The following ADAM12 variants were observed in gnomAD, a reference collection of about 807,000 sequenced individuals.
ADAM12 encodes ADAM metallopeptidase domain 12.
ADAM12 carries 70 observed loss-of-function variants against 106.4 expected under a neutral mutation model. The observed-to-expected ratio is 0.66, with a 90% CI of 0.54 to 0.80. The LOEUF (loss-of-function observed/expected upper bound fraction) is 0.80. Ranked by LOEUF, ADAM12 falls within the 30% of genes least tolerant of loss-of-function variation. The probability of loss-of-function intolerance (pLI) is 0.00; values close to 1 mark genes in which losing one functional copy is unlikely to be tolerated. For missense variants in ADAM12, 1,010 were observed against 1,171.9 expected (o/e 0.86, Z 2.02); for synonymous variants, 420 against 433.5 (o/e 0.97, Z 0.39).
chr10:126,171,546 C>T (rs111571080), intron 3 of ADAM12, among the ~76,000 whole-genome samples: 3,203 of 152,304 alleles, frequency 0.021, 100 homozygotes, highest in African/African-American at 0.063. Context: ...AATCTTACAG[C>T]ACTAGGCTAG....
At chr10:126,078,676 C>A (rs1459142389) in intron 11 of ADAM12, among the ~76,000 whole-genome samples, 1 of 152,018 alleles carries the variant, frequency 6.6e-6, no homozygotes, top group East Asian at 1.9e-4. Flanking sequence ...TATGGTGGTG[C>A]TTTCTCATGG....
At chr10:126,196,916 T>C (rs1957607108) in intron 3 of ADAM12, among the ~76,000 whole-genome samples, 1 of 152,158 alleles carries the variant, frequency 6.6e-6, no homozygotes, top group Admixed American at 6.6e-5. Context: ...GGAATGTCGT[T>C]TGGCTTCAGT....
In ADAM12 at chr10:126,053,385, A is replaced by G. The variant is rs1437774229; in HGVS notation, c.1610-3716T>C. Among the ~76,000 whole-genome samples the G allele has an allele frequency of 1.3e-5, 2 of 152,202 alleles. No individual in the cohort carries two copies. The highest frequency in any genetic ancestry group is 2.9e-5 in the Non-Finnish European group (2 of 68,030). ...GCTGGTGGAGCAGCACAGCTCAGAA[A>G]ACCAGGTGTGTGTAAGATGCAATGC... On this transcript the variant is annotated intron_variant, in intron 14 of 22. Transcript: ENST00000448723. The surrounding 1 kb of genome is among the most constrained non-coding windows in gnomAD (Gnocchi z 4.6).
At chr10:126,108,687 A>G (rs748092922) in intron 7 of ADAM12, 23 bp from the exon 8 acceptor site, 2 of 1,591,806 alleles carry the variant, frequency 1.3e-6, no homozygotes, top group Non-Finnish European at 1.7e-6. Flanking sequence ...AAATGGCAGC[A>G]TTAATACCAG....
At chr10:126,316,620 G>A (rs1483137734) in intron 2 of ADAM12, among the ~76,000 whole-genome samples, 2 of 151,928 alleles carry the variant, frequency 1.3e-5, no homozygotes, top group Admixed American at 6.6e-5. Context: ...ACTTTGGGAG[G>A]CTGAGGCAGG....
chr10:126,343,344 C>T (rs192460535), intron 1 of ADAM12, among the ~76,000 whole-genome samples: 1 of 152,282 alleles, frequency 6.6e-6, no homozygotes, highest in East Asian at 1.9e-4. Flanking sequence ...CATGTCCCTA[C>T]AAAGGATATC....
intron 5 of ADAM12, among the ~76,000 whole-genome samples, chr10:126,126,780 TA>T (rs147358976): frequency 0.012 from 1,787 of 152,056 alleles, 43 homozygotes; most frequent in African/African-American, 0.041. Context: ...GGAGACGCTA[TA>T]GGGGAGAGCG....
chr10:126,153,126 G>A (rs1956757913), intron 4 of ADAM12, among the ~76,000 whole-genome samples: 1 of 152,088 alleles, frequency 6.6e-6, no homozygotes, highest in Non-Finnish European at 1.5e-5. Context: ...GAATCTGAGG[G>A]TAGTAATTTC....
rs531951039 is a variant in ADAM12, at chr10:126,091,939, G to A, written c.1145+2046C>T. On this transcript the variant is annotated intron_variant, in intron 11 of 22. Transcript: ENST00000448723. ...AAGAAAGGAGGAAGGAAGGGTGGAT[G>A]GGTGGATGGATAGATGGTTGGATGG... Among the ~76,000 whole-genome samples the A allele has an allele frequency of 3.9e-5, 6 of 152,218 alleles. No individual in the cohort carries two copies. The South Asian group carries it at 1.2e-3, about 32-fold the overall frequency.
chr10:126,190,198 CTT>C (rs36118604), intron 3 of ADAM12, among the ~76,000 whole-genome samples: 1 of 138,350 alleles, frequency 7.2e-6, no homozygotes, highest in African/African-American at 3.1e-5. Context: ...CCAATTCACT[CTT>C]TTTTTTTTTC....
In ADAM12 at chr10:126,287,831, T is replaced by G. The variant is rs552122926; in HGVS notation, c.187-8843A>C. Among the ~76,000 whole-genome samples the G allele has an allele frequency of 2.2e-4, 34 of 151,722 alleles. No homozygotes were observed. In the South Asian group the frequency reaches 6.1e-3, roughly 27 times the overall value. ...AGCAAAGTTCCTCATTTGTGATGATTTGTTGTTTTTCTTTTACTTGTTTAC... is the reference window on the plus strand; with the variant it reads ...AGCAAAGTTCCTCATTTGTGATGATGTGTTGTTTTTCTTTTACTTGTTTAC... On this transcript the variant is annotated intron_variant, in intron 2 of 22. Transcript: ENST00000448723.
chr10:126,267,826 GT>G (rs113040801), intron 3 of ADAM12, among the ~76,000 whole-genome samples: 7,491 of 151,578 alleles, frequency 0.049, 311 homozygotes, highest in African/African-American at 0.11. Context: ...GTGGGGGGCG[GT>G]GGGGGTGGAT....
rs1957604555 is a variant in ADAM12, at chr10:126,196,808, T to C, written c.261-41503A>G. On this transcript the variant is annotated intron_variant, in intron 3 of 22. Transcript: ENST00000448723. The stretch of plus-strand genomic sequence containing the variant: ...TAAAGATTTCCTCCTTTCCTTTCTG[T>C]AATTTTCTGTAAGGAGCATCTGTTG... Among the ~76,000 whole-genome samples, 2 of 152,176 alleles carry C rather than the reference T, an allele frequency of 1.3e-5. 1 individual carries two copies. Among genetic ancestry groups the C allele is most frequent in the Admixed American group, 1.3e-4 (2 of 15,280 alleles).
intron 6 of ADAM12, among the ~76,000 whole-genome samples, chr10:126,112,418 T>C (rs1477593732): frequency 6.6e-6 from 1 of 152,038 alleles, no homozygotes; most frequent in Non-Finnish European, 1.5e-5. Flanking sequence ...TGGATTTTCA[T>C]TTTGGGGGGT....
intron 2 of ADAM12, among the ~76,000 whole-genome samples, chr10:126,316,956 C>T (rs1853899382): frequency 1.3e-5 from 2 of 152,046 alleles, no homozygotes; most frequent in Admixed American, 1.3e-4. Context: ...CACTAAGTAT[C>T]TCAAGCATGT....
At chr10:126,315,858 A>G (rs1045816933) in intron 2 of ADAM12, among the ~76,000 whole-genome samples, 1 of 152,238 alleles carries the variant, frequency 6.6e-6, no homozygotes, top group Admixed American at 6.5e-5. Flanking sequence ...TTATAAGCAA[A>G]GACACAGACA....
chr10:126,038,402 C>T (rs1259928543), intron 19 of ADAM12, 53 bp from the exon 20 acceptor site: 1 of 1,416,678 alleles, frequency 7.1e-7, no homozygotes, highest in East Asian at 2.5e-5. Flanking sequence ...TTCTCACTGA[C>T]TTGACTTTTT....
rs10549268 is a variant in ADAM12 at position 126,178,408 on chromosome 10, CTTTTTTTTT to C, written c.261-23112_261-23104del. On this transcript the variant is annotated intron_variant, in intron 3 of 22. Transcript: ENST00000448723. ...TACCTTAGTCCTCATTGGAGGACAT[CTTTTTTTTT>C]TTTTTTTTTTTTTTTGGATAAACAT... is the stretch of plus-strand genomic sequence containing the variant. Among the ~76,000 whole-genome samples the C allele has an allele frequency of 4.5e-4, 47 of 103,908 alleles. 1 individual carries two copies. The South Asian group carries it at 8.5e-3, about 19-fold the overall frequency. 68.2% of individuals were successfully genotyped at this position (103,908 alleles called of 152,430 possible).
chr10:126,203,533 C>T (rs1357482664), intron 3 of ADAM12, among the ~76,000 whole-genome samples: 1 of 152,098 alleles, frequency 6.6e-6, no homozygotes, highest in Non-Finnish European at 1.5e-5. Context: ...CGCAGAAATA[C>T]AGAAGTCAGG....
Sources: allele counts gnomAD v4.1 joint callset (sites outside exome capture counted in the v4.1 genomes callset), GRCh38; gene constraint gnomAD v4.1.1; non-coding constraint Gnocchi (gnomAD v3.1); transcripts MANE v1.5; gene names NCBI Gene and HGNC (gene_info 2026-07-23, HGNC 2026-07-21).